Variants in NTM observed in about 807,000 individuals in gnomAD.
NTM encodes the protein IgLON family member 2.
NTM carries 13 observed loss-of-function variants against 42.1 expected under a neutral mutation model. The observed-to-expected ratio is 0.31, with a 90% CI of 0.20 to 0.49. NTM has a LOEUF of 0.49. NTM is among the 20% of genes least tolerant of loss of function. NTM has a pLI of 0.99. For synonymous variants in NTM, 187 were observed against 179.2 expected (o/e 1.04, Z -0.35); for missense variants, 373 against 452.8 (o/e 0.82, Z 1.60).
intron 2 of NTM, among the ~76,000 whole-genome samples, chr11:131,994,547 T>C (rs972253460): frequency 5.3e-5 from 8 of 152,196 alleles, no homozygotes; most frequent in Admixed American, 5.2e-4. Context: ...GAGCATCTAA[T>C]GTGAGCGGGT....
intron 2 of NTM, among the ~76,000 whole-genome samples, chr11:131,972,345 T>C (rs182860017): frequency 0.011 from 1,702 of 152,220 alleles, 19 homozygotes; most frequent in Non-Finnish European, 0.016. Flanking sequence ...TACATACACA[T>C]ACATGTATAT....
chr11:131,916,352 G>A (rs919449693), intron 2 of NTM, among the ~76,000 whole-genome samples: 4 of 152,230 alleles, frequency 2.6e-5, no homozygotes, highest in African/African-American at 9.6e-5. Context: ...TAAGGCAGCA[G>A]CTAGTAAAGT....
intron 2 of NTM, among the ~76,000 whole-genome samples, chr11:132,027,514 A>C (rs1035997099): frequency 6.6e-6 from 1 of 152,214 alleles, no homozygotes; most frequent in African/African-American, 2.4e-5. Context: ...TGCTGGATAC[A>C]GAATTCTAGA....
At chr11:132,007,535 GCT>G (rs948366121) in intron 2 of NTM, among the ~76,000 whole-genome samples, 10 of 152,150 alleles carry the variant, frequency 6.6e-5, no homozygotes, top group African/African-American at 2.4e-4. Context: ...TATTTCTGAT[GCT>G]CTCTTTTGTT....
At chr11:131,629,673 G>T (rs977640159) in intron 1 of NTM, among the ~76,000 whole-genome samples, 2 of 152,096 alleles carry the variant, frequency 1.3e-5, no homozygotes, top group East Asian at 3.9e-4. Flanking sequence ...ACACAATTTC[G>T]AAACGAGAGT....
intron 1 of NTM, among the ~76,000 whole-genome samples, chr11:131,507,554 C>G (rs1178698705): frequency 6.6e-6 from 1 of 151,866 alleles, no homozygotes; most frequent in Non-Finnish European, 1.5e-5. Context: ...TTTTTTGGTT[C>G]CGTATGAACT....
intron 1 of NTM, among the ~76,000 whole-genome samples, chr11:131,437,652 A>G (rs1053817281): frequency 6.6e-6 from 1 of 152,056 alleles, no homozygotes; most frequent in African/African-American, 2.4e-5. Context: ...ATCTTCCTCC[A>G]TCCCTTAATT....
At chr11:131,886,454 G>C (rs1266330547) in intron 1 of NTM, among the ~76,000 whole-genome samples, 4 of 152,194 alleles carry the variant, frequency 2.6e-5, no homozygotes, top group African/African-American at 9.7e-5. Flanking sequence ...GTTTTGCTGG[G>C]GCAGCAGTTC....
At chr11:131,627,949 A>C (rs1008910410) in intron 1 of NTM, among the ~76,000 whole-genome samples, 1 of 152,202 alleles carries the variant, frequency 6.6e-6, no homozygotes, top group African/African-American at 2.4e-5. Flanking sequence ...GGACAAAGGA[A>C]ATAGAACTTC....
chr11:131,919,127 TTA>T (rs1491166676), intron 2 of NTM, among the ~76,000 whole-genome samples: 1 of 150,566 alleles, frequency 6.6e-6, no homozygotes, highest in African/African-American at 2.4e-5. Context: ...TTTTTTTTTT[TTA>T]AATTAGTAAT....
At chr11:132,153,646 G>T (rs890024396) in intron 3 of NTM, among the ~76,000 whole-genome samples, 1 of 152,126 alleles carries the variant, frequency 6.6e-6, no homozygotes, top group African/African-American at 2.4e-5. Context: ...ATTAAAATGC[G>T]TAGCTTCTTA....
intron 1 of NTM, among the ~76,000 whole-genome samples, chr11:131,676,886 T>A (rs1305504624): frequency 6.6e-6 from 1 of 152,354 alleles, no homozygotes; most frequent in East Asian, 1.9e-4. Context: ...ATGTCCGTTA[T>A]TACAGTCGCC....
Position 132,290,258 on chromosome 11 carries a change from ATT to A in NTM, c.527-17419_527-17418del, listed in dbSNP as rs112193288. Among the ~76,000 whole-genome samples, 10 of 146,710 alleles carry A rather than the reference ATT, an allele frequency of 6.8e-5. No homozygotes were observed. The East Asian group carries it at 9.9e-4, about 15-fold the overall frequency. ...GTAAGACTGACTAAAAGATAGTCTGATTTTTTTTTTTTTATTATCACTGTACA... is the reference window on the plus strand; with the variant it reads ...GTAAGACTGACTAAAAGATAGTCTGATTTTTTTTTTTATTATCACTGTACA... On this transcript the variant is annotated intron_variant, in intron 4 of 8. Transcript: ENST00000683400.
At chr11:131,585,805 TTG>T (rs2058805532) in intron 1 of NTM, among the ~76,000 whole-genome samples, 1 of 152,218 alleles carries the variant, frequency 6.6e-6, no homozygotes, top group Non-Finnish European at 1.5e-5. Context: ...CATTTTCTCT[TTG>T]TGTCCTTTCC....
At chr11:131,552,341 G>C (rs1307429663) in intron 1 of NTM, among the ~76,000 whole-genome samples, 1 of 152,100 alleles carries the variant, frequency 6.6e-6, no homozygotes, top group Non-Finnish European at 1.5e-5. Flanking sequence ...CAAAACTTAA[G>C]ATATGCATGC....
intron 2 of NTM, among the ~76,000 whole-genome samples, chr11:131,983,378 T>C (rs1036678351): frequency 2.9e-5 from 4 of 139,878 alleles, no homozygotes; most frequent in African/African-American, 1.2e-4. Flanking sequence ...TTGTATCTTT[T>C]TTTTTTTTTT....
intron 2 of NTM, among the ~76,000 whole-genome samples, chr11:132,023,356 A>G (rs556515810): frequency 1.3e-5 from 2 of 152,366 alleles, no homozygotes; most frequent in Admixed American, 1.3e-4. Context: ...AACAAACACA[A>G]GTAATAATGC....
intron 1 of NTM, among the ~76,000 whole-genome samples, chr11:131,528,058 T>A (rs2050751124): frequency 6.6e-6 from 1 of 152,204 alleles, no homozygotes; most frequent in South Asian, 2.1e-4. Context: ...ATGCAAATGT[T>A]CCAAATTTTT....
At chr11:131,408,848 T>A (rs149766918) in intron 1 of NTM, among the ~76,000 whole-genome samples, 1 of 152,354 alleles carries the variant, frequency 6.6e-6, no homozygotes, top group African/African-American at 2.4e-5. Flanking sequence ...ACCACAAACC[T>A]GACTTTATTG....
Sources: gnomAD v4.1 joint callset for allele counts (sites outside exome capture counted in the v4.1 genomes callset) on GRCh38, gnomAD v4.1.1 for gene constraint, MANE v1.5 for transcripts, NCBI Gene and HGNC (gene_info 2026-07-23, HGNC 2026-07-21) for gene names.